The following ZNF718 variants were observed in gnomAD, a reference collection of about 807,000 sequenced individuals.
The protein encoded by ZNF718 is zinc finger protein 718.
A neutral mutation model predicts 2.6 loss-of-function variants in ZNF718; 3 were observed. The ratio of observed to expected loss-of-function variants is 1.16; its 90% CI spans 0.53 to 3.01. ZNF718 has a LOEUF of 3.01. ZNF718 is among the 30% of genes most tolerant of loss of function. The probability of loss-of-function intolerance (pLI) is 0.03; values close to 1 mark genes in which losing one functional copy is unlikely to be tolerated. For synonymous variants in ZNF718, 135 were observed against 77.9 expected (o/e 1.73, Z -3.86); for missense variants, 468 against 230.0 (o/e 2.03, Z -6.69).
intron 3 of ZNF718, among the ~76,000 whole-genome samples, chr4:174,454 C>A (rs1213864321): frequency 6.6e-5 from 10 of 152,180 alleles, no homozygotes; most frequent in East Asian, 1.9e-4. Flanking sequence ...AATAAGGGCA[C>A]TCCATAATTC....
At chr4:137,583 T>C (rs1424158122) in intron 3 of ZNF718, among the ~76,000 whole-genome samples, 2 of 152,220 alleles carry the variant, frequency 1.3e-5, no homozygotes, top group African/African-American at 4.8e-5. Flanking sequence ...GGTTTTGCTT[T>C]ACATTTTTCT....
intron 3 of ZNF718, among the ~76,000 whole-genome samples, chr4:154,489 G>T (rs1716476634): frequency 6.6e-6 from 1 of 152,162 alleles, no homozygotes; most frequent in Non-Finnish European, 1.5e-5. Flanking sequence ...CCAGTCCAAG[G>T]TGCTCTCAGG....
intron 3 of ZNF718, among the ~76,000 whole-genome samples, chr4:169,686 T>C (rs1267097529): frequency 6.6e-6 from 1 of 152,250 alleles, no homozygotes; most frequent in Non-Finnish European, 1.5e-5. Flanking sequence ...CTGCCTTTTT[T>C]TGTTTTCCAT....
chr4:196,893 A>G (rs923539218), intron 3 of ZNF718, among the ~76,000 whole-genome samples: 19 of 151,790 alleles, frequency 1.3e-4, no homozygotes, highest in African/African-American at 4.3e-4. Flanking sequence ...AGGATAGGAC[A>G]GAATAGCAAG....
intron 3 of ZNF718, among the ~76,000 whole-genome samples, chr4:187,309 C>T (rs1408632140): frequency 6.6e-6 from 1 of 151,598 alleles, no homozygotes; most frequent in Non-Finnish European, 1.5e-5. Flanking sequence ...TCACTGCAAC[C>T]TCCACCTCCA....
rs1278368531 is a variant in ZNF718 at position 129,345 on chromosome 4, T to C, written c.4-1443T>C. ...ACAAAACTGAAAATACTTACGGGCA[T>C]AGAGAGCAGATGCCTAGGGCCCACC... On this transcript the variant is annotated intron_variant, in intron 1 of 3. Coordinates refer to ENST00000510175, the MANE Select transcript of ZNF718 (RefSeq NM_001039127.6). Among the ~76,000 whole-genome samples, 4 of 103,838 alleles carry C rather than the reference T, an allele frequency of 3.9e-5. 2 individuals are homozygous for C. In the East Asian group the frequency reaches 2.2e-3, roughly 56 times the overall value. 68.1% of individuals were successfully genotyped at this position (103,838 alleles called of 152,430 possible). A position where few individuals can be genotyped will look rare whatever the true frequency, so the allele number is the denominator to read the frequency against.
At chr4:134,109 C>T (rs1715449253) in intron 3 of ZNF718, among the ~76,000 whole-genome samples, 1 of 152,174 alleles carries the variant, frequency 6.6e-6, no homozygotes, top group African/African-American at 2.4e-5. Context: ...CAGGCACTAA[C>T]AATCACCATC....
At chr4:188,490 TGG>T (rs1717615509) in intron 3 of ZNF718, among the ~76,000 whole-genome samples, 2 of 152,144 alleles carry the variant, frequency 1.3e-5, no homozygotes, top group African/African-American at 2.4e-5. Flanking sequence ...GCAGTGGAAG[TGG>T]GGCCCACAGA....
At chr4:139,947 A>AT (rs1297663294) in intron 3 of ZNF718, among the ~76,000 whole-genome samples, 97 of 148,666 alleles carry the variant, frequency 6.5e-4, no homozygotes, top group Middle Eastern at 3.4e-3. Context: ...GGTCTTTTTC[A>AT]TTTTTTTTTC....
At chr4:189,129 C>T (rs1037689173) in intron 3 of ZNF718, among the ~76,000 whole-genome samples, 1 of 143,406 alleles carries the variant, frequency 7.0e-6, no homozygotes, top group African/African-American at 2.6e-5. Context: ...GGTGCAATCT[C>T]GGCCCACTGC....
chr4:190,893 G>T (rs1273757657), intron 3 of ZNF718, among the ~76,000 whole-genome samples: 2 of 151,862 alleles, frequency 1.3e-5, no homozygotes, highest in African/African-American at 2.4e-5. Flanking sequence ...ACAAAAATTA[G>T]CTGGGCGTGG....
At position 162,035 on chromosome 4, in the gene ZNF718, C is replaced by T; in HGVS notation, c.1350C>T (p.Pro450=). The stretch of plus-strand genomic sequence containing the variant: ...AGAAAATTCACACTGTAGATAAACC[C>T]TACAAATGTAAAGAATGCGGGAAAG... ...KHKKIHTVDK[P]YKCKECGKAF... is the part of the protein sequence containing the mutation. The change falls in exon 4 of 4, where the codon CCC becomes CCT. Residue 450 remains proline, a synonymous_variant. Coordinates refer to ENST00000510175, the MANE Select transcript of ZNF718 (RefSeq NM_001039127.6). 1 of 777,708 alleles carries T rather than the reference C, an allele frequency of 1.3e-6. No individual in the cohort carries two copies. The highest frequency in any genetic ancestry group is 2.4e-6 in the Non-Finnish European group (1 of 416,268). 48.2% of individuals were successfully genotyped at this position (777,708 alleles called of 1,614,324 possible).
chr4:134,435 T>C (rs1421492418), intron 3 of ZNF718, among the ~76,000 whole-genome samples: 8 of 152,212 alleles, frequency 5.3e-5, no homozygotes, highest in Admixed American at 4.6e-4. Flanking sequence ...TGAGCCACCG[T>C]GCCCAGCCAA....
intron 3 of ZNF718, among the ~76,000 whole-genome samples, chr4:139,521 G>C (rs185849550): frequency 1.3e-4 from 20 of 152,172 alleles, no homozygotes; most frequent in Non-Finnish European, 8.8e-5. Context: ...GGCATACTAG[G>C]GGGTATTTAA....
intron 3 of ZNF718, among the ~76,000 whole-genome samples, chr4:181,753 T>TCATA (rs782304800): frequency 1.3e-5 from 2 of 152,156 alleles, no homozygotes; most frequent in Non-Finnish European, 2.9e-5. Flanking sequence ...GCTGCACAGA[T>TCATA]CATACAGTCA....
chr4:199,463 T>C (rs572876516), intron 3 of ZNF718, among the ~76,000 whole-genome samples: 1 of 151,886 alleles, frequency 6.6e-6, no homozygotes, highest in African/African-American at 2.4e-5. Context: ...ACCATGACTC[T>C]GGTAAATTAA....
chr4:167,800 G>T (rs1172167262), downstream of ZNF718, among the ~76,000 whole-genome samples: 1 of 152,102 alleles, frequency 6.6e-6, no homozygotes, highest in Non-Finnish European at 1.5e-5. Flanking sequence ...TCTGCAAACA[G>T]GGACAATTTT....
At chr4:157,857 T>C (rs1322433319) in intron 3 of ZNF718, among the ~76,000 whole-genome samples, 2 of 152,222 alleles carry the variant, frequency 1.3e-5, no homozygotes, top group Non-Finnish European at 2.9e-5. Flanking sequence ...AATTTTTTAA[T>C]ACTGCTTTCA....
At chr4:143,104 A>T (rs1291450323) in intron 3 of ZNF718, among the ~76,000 whole-genome samples, 2 of 152,234 alleles carry the variant, frequency 1.3e-5, no homozygotes, top group Admixed American at 1.3e-4. Flanking sequence ...CTGAGACCAG[A>T]AATCCAAAAT....
Sources: allele counts gnomAD v4.1 joint callset (sites outside exome capture counted in the v4.1 genomes callset), GRCh38; gene constraint gnomAD v4.1.1; transcripts MANE v1.5; gene names NCBI Gene and HGNC (gene_info 2026-07-23, HGNC 2026-07-21).